Variants in PTPN13 observed in about 807,000 individuals in gnomAD.
PTPN13 encodes the protein tyrosine-protein phosphatase non-receptor type 13.
PTPN13 carries 191 observed loss-of-function variants against 284.0 expected under a neutral mutation model. The ratio of observed to expected loss-of-function variants is 0.67; its 90% CI spans 0.60 to 0.76. The LOEUF is 0.76. Among genes scored for constraint, PTPN13 ranks in the 30% least tolerant of loss-of-function variants. The pLI, the probability that PTPN13 is intolerant of heterozygous loss-of-function variation, is 0.00. For synonymous variants in PTPN13, 986 were observed against 1,022.3 expected (o/e 0.96, Z 0.68); for missense variants, 2,797 against 2,939.9 (o/e 0.95, Z 1.12).
intron 47 of PTPN13, among the ~76,000 whole-genome samples, chr4:86,813,342 C>T (rs930021698): frequency 2.6e-5 from 4 of 152,126 alleles, no homozygotes; most frequent in African/African-American, 7.2e-5. Context: ...ATCTCTGCAC[C>T]ATCAACTTAA....
intron 3 of PTPN13, among the ~76,000 whole-genome samples, chr4:86,680,702 A>G (rs937956501): frequency 6.6e-6 from 1 of 152,156 alleles, no homozygotes; most frequent in Non-Finnish European, 1.5e-5. Flanking sequence ...TGAAGTACAG[A>G]TTCCTTAACC....
intron 33 of PTPN13, among the ~76,000 whole-genome samples, 189 bp downstream of exon 33, chr4:86,774,720 TA>T (rs200371455): frequency 0.053 from 7,844 of 148,978 alleles, 273 homozygotes; most frequent in African/African-American, 0.072. Context: ...TATATATATA[TA>T]TTTTTTACTA....
intron 12 of PTPN13, among the ~76,000 whole-genome samples, chr4:86,733,855 T>C (rs1455711650): frequency 6.6e-6 from 1 of 150,492 alleles, no homozygotes; most frequent in Non-Finnish European, 1.5e-5. Context: ...AGCTGGTAGC[T>C]CAATAATAAT....
chr4:86,776,572 G>C (rs1740670778), intron 35 of PTPN13, among the ~76,000 whole-genome samples: 1 of 151,992 alleles, frequency 6.6e-6, no homozygotes, highest in African/African-American at 2.4e-5. Flanking sequence ...CATACAGTGG[G>C]GTTACATCCC....
rs1285567816 is a variant in PTPN13 at position 86,807,627 on chromosome 4, A to G, written c.6813A>G (p.Pro2271=). The G allele has an allele frequency of 1.2e-6, 2 of 1,613,898 alleles. No individual in the cohort carries two copies. Among genetic ancestry groups the G allele is most frequent in the Non-Finnish European group, 1.7e-6 (2 of 1,179,882 alleles). ...GYINASFIKI[P]VGKEEFVYIA... ...TCAATGCCAGCTTCATTAAGATACC[A>G]GTTGGGAAAGAAGAGTTCGTTTACA... Residue 2271 remains proline, a synonymous_variant, in exon 45 of 48, where the codon CCA becomes CCG. Coordinates refer to ENST00000411767, the MANE Select transcript of PTPN13 (RefSeq NM_080683.3).
chr4:86,753,445 T>G (rs1178724891), intron 20 of PTPN13, among the ~76,000 whole-genome samples: 1 of 151,992 alleles, frequency 6.6e-6, no homozygotes, highest in African/African-American at 2.4e-5. Context: ...ATCAAGGGCA[T>G]AGCATGGTCA....
rs1016115226 is a variant in PTPN13 at position 86,744,949 on chromosome 4, C to T, written c.2488-17C>T. On this transcript the variant is annotated splice_polypyrimidine_tract_variant and intron_variant, in intron 16 of 47. Transcript: ENST00000411767. The stretch of plus-strand genomic sequence containing the variant: ...TCTACTTACTATAATTATGAATACC[C>T]TTGGTTAATATTGTAGAAAAAGAAA... 2 of 1,509,058 alleles carry T rather than the reference C, an allele frequency of 1.3e-6. No individual in the cohort carries two copies. The highest frequency in any genetic ancestry group is 2.0e-5 in the Admixed American group (1 of 50,184). The allele number at this position is 1,509,058 out of a possible 1,614,324, so 93.5% of individuals were successfully genotyped here.
At chr4:86,808,018 C>T in intron 45 of PTPN13, 121 bp downstream of exon 45, 1 of 839,116 alleles carries the variant, frequency 1.2e-6, no homozygotes, top group Non-Finnish European at 1.8e-6. Flanking sequence ...TTCCTAGTTC[C>T]CATGCAATGG....
At position 86,805,267 on chromosome 4, in the gene PTPN13, T is replaced by A; in HGVS notation, c.6655-12T>A. The A allele has an allele frequency of 6.5e-7, 1 of 1,533,542 alleles. No individual in the cohort carries two copies. The allele number at this position is 1,533,542 out of a possible 1,614,324, so 95.0% of individuals were successfully genotyped here. On this transcript the variant is annotated splice_polypyrimidine_tract_variant and intron_variant, in intron 43 of 47. Coordinates refer to ENST00000411767, the MANE Select transcript of PTPN13 (RefSeq NM_080683.3). ...TTATCTCAACAAATTTATTTCCATG[T>A]TTTGCTTACAGAATCTTCAAGAATT...
At position 86,762,695 on chromosome 4, in the gene PTPN13, T is replaced by G. The variant is rs765742274; in HGVS notation, c.3554-32T>G. On this transcript the variant is annotated intron_variant, in intron 23 of 47. Transcript: ENST00000411767. ...TGTGTAAGCACGTGTATCACTAACT[T>G]GTTACTCTCATTGATGGATTTTGAC... is the stretch of plus-strand genomic sequence containing the variant. The G allele has an allele frequency of 2.0e-6, 3 of 1,489,524 alleles. No individual in the cohort carries two copies. In the East Asian group the frequency reaches 6.9e-5, roughly 34 times the overall value. 92.3% of individuals were successfully genotyped at this position (1,489,524 alleles called of 1,614,324 possible).
At position 86,785,386 on chromosome 4, in the gene PTPN13, A is replaced by G; in HGVS notation, c.6256+18A>G. 3.1e-6 allele frequency: 5 copies of G among 1,603,518 alleles called. No homozygotes were observed. Among genetic ancestry groups the G allele is most frequent in the Non-Finnish European group, 4.3e-6 (5 of 1,175,336 alleles). ...TGGTCCAGGTACGTGAACCAGATGA[A>G]TAAATTGGTATACTATGGAGTACAA... is the stretch of plus-strand genomic sequence containing the variant. On this transcript the variant is annotated intron_variant, in intron 39 of 47. Coordinates refer to ENST00000411767, the MANE Select transcript of PTPN13 (RefSeq NM_080683.3).
chr4:86,648,218 T>A (rs1727975820), intron 2 of PTPN13, among the ~76,000 whole-genome samples: 1 of 152,202 alleles, frequency 6.6e-6, no homozygotes, highest in Non-Finnish European at 1.5e-5. Context: ...ATCATTTCTT[T>A]GTGTTAAGAA....
chr4:86,799,370 G>A (rs1008109128), intron 42 of PTPN13, among the ~76,000 whole-genome samples, 166 bp downstream of exon 42: 8 of 147,012 alleles, frequency 5.4e-5, no homozygotes, highest in South Asian at 2.2e-4. Context: ...CCAGTGGGGC[G>A]ATCTCGGCTC....
chr4:86,773,042 G>C (rs1480187244), intron 32 of PTPN13, 84 bp downstream of exon 32: 23 of 1,042,844 alleles, frequency 2.2e-5, no homozygotes, highest in Non-Finnish European at 2.9e-5. Context: ...TAGGGAAAAA[G>C]CTATCTTTAA....
chr4:86,623,593 G>A (rs1721497912), intron 1 of PTPN13, among the ~76,000 whole-genome samples: 1 of 152,106 alleles, frequency 6.6e-6, no homozygotes, highest in Non-Finnish European at 1.5e-5. Flanking sequence ...ACTATCCTGT[G>A]ATTGTGATTT....
rs1731159186 is a variant in PTPN13, at chr4:86,701,520, T to TGAA, written c.915_916insAAG (p.Leu305_Leu306insLys). The TGAA allele has an allele frequency of 3.7e-6, 6 of 1,613,908 alleles. No homozygotes were observed. Among genetic ancestry groups the TGAA allele is most frequent in the African/African-American group, 1.3e-5 (1 of 74,934 alleles). ...AAGATCTGGGCTTCATCCATGGACT[T>TGAA]GCTTTGTACAGCTGACAGAGACTTC... On this transcript the variant is annotated inframe_insertion, in exon 7 of 48. Transcript: ENST00000411767.
At chr4:86,663,897 G>A (rs1726784318) in intron 2 of PTPN13, among the ~76,000 whole-genome samples, 1 of 152,060 alleles carries the variant, frequency 6.6e-6, no homozygotes, top group African/African-American at 2.4e-5. Flanking sequence ...AAAAGCATCA[G>A]GAAAGGATAT....
chr4:86,628,515 A>C lies in PTPN13; in HGVS notation c.-5-6737A>C, dbSNP rs28838596. On this transcript the variant is annotated intron_variant, in intron 1 of 47. Transcript: ENST00000411767. The stretch of plus-strand genomic sequence containing the variant: ...ATTTTTTTTTTTAATTTTTTTTTTT[A>C]TTATACTCTAAGTTTTAGGGTACAT... Among the ~76,000 whole-genome samples, 4 of 69,512 alleles carry C rather than the reference A, an allele frequency of 5.8e-5. No individual in the cohort carries two copies. The South Asian group carries it at 1.3e-3, about 22-fold the overall frequency. 45.6% of individuals were successfully genotyped at this position (69,512 alleles called of 152,430 possible).
intron 2 of PTPN13, among the ~76,000 whole-genome samples, chr4:86,636,912 C>G (rs1249263701): frequency 2.6e-5 from 4 of 151,324 alleles, no homozygotes; most frequent in Non-Finnish European, 5.9e-5. Flanking sequence ...AAAGGATCAA[C>G]AAAATTGATA....
Sources: allele counts gnomAD v4.1 joint callset (sites outside exome capture counted in the v4.1 genomes callset), GRCh38; gene constraint gnomAD v4.1.1; transcripts MANE v1.5; gene names NCBI Gene and HGNC (gene_info 2026-07-23, HGNC 2026-07-21).